The following NPHP4 variants were observed in gnomAD, a reference collection of about 807,000 sequenced individuals.
The protein encoded by NPHP4 is nephrocystin 4.
In NPHP4, 151 loss-of-function variants were observed where a neutral mutation model predicts 155.8. The ratio of observed to expected loss-of-function variants is 0.97; its 90% confidence interval spans 0.85 to 1.11. NPHP4 has a LOEUF of 1.11. NPHP4 is among the 50% of genes least tolerant of loss of function. The pLI is 0.00. For missense variants in NPHP4, 1,956 were observed against 1,925.7 expected (o/e 1.02, Z -0.29); for synonymous variants, 845 against 816.8 (o/e 1.03, Z -0.59).
At chr1:5,976,466 C>G (rs1653604016) in intron 3 of NPHP4, among the ~76,000 whole-genome samples, 1 of 152,230 alleles carries the variant, frequency 6.6e-6, no homozygotes, top group Non-Finnish European at 1.5e-5. Context: ...CTATCCCCAG[C>G]AGTTGGTCTG....
rs943621138 is a variant in NPHP4 at position 5,961,784 on chromosome 1, A to T, written c.673+10T>A. On this transcript the variant is annotated intron_variant, in intron 6 of 29. Coordinates refer to ENST00000378156, the MANE Select transcript of NPHP4 (RefSeq NM_015102.5). The stretch of plus-strand genomic sequence containing the variant: ...CCTCACCAAGTGGAGAGAATCAAAG[A>T]CGCCCTTACCGGATTCTCCATGAGC... 6.2e-7 allele frequency: 1 copy of T among 1,607,930 alleles called. No individual in the cohort carries two copies. Among genetic ancestry groups the T allele is most frequent in the Non-Finnish European group, 8.5e-7 (1 of 1,177,118 alleles).
intron 16 of NPHP4, among the ~76,000 whole-genome samples, chr1:5,901,730 G>A (rs1476530773): frequency 6.6e-6 from 1 of 152,204 alleles, no homozygotes; most frequent in Non-Finnish European, 1.5e-5. Context: ...AAAATGACTG[G>A]ATGGAATTTG....
At chr1:5,980,564 G>A (rs953966648) in intron 2 of NPHP4, among the ~76,000 whole-genome samples, 3 of 152,318 alleles carry the variant, frequency 2.0e-5, no homozygotes, top group South Asian at 2.1e-4. Flanking sequence ...GTGGGGGCGG[G>A]AGTGGAAGCA....
intron 23 of NPHP4, chr1:5,868,383 G>C (rs753456805): frequency 2.8e-5 from 7 of 249,264 alleles, no homozygotes; most frequent in Non-Finnish European, 4.8e-5. Context: ...AAAGGGGTTA[G>C]AAATAGAAAC....
intron 19 of NPHP4, among the ~76,000 whole-genome samples, chr1:5,877,831 G>A (rs115929557): frequency 0.036 from 5,520 of 152,256 alleles, 336 homozygotes; most frequent in African/African-American, 0.13. Context: ...AGGACAGCCC[G>A]CCTCCTCTGG....
intron 9 of NPHP4, among the ~76,000 whole-genome samples, chr1:5,934,507 C>T (rs1200378685): frequency 6.6e-6 from 1 of 152,112 alleles, no homozygotes; most frequent in African/African-American, 2.4e-5. Context: ...CACAGTGCTC[C>T]ACTTCCTACA....
rs553213176 is a variant in NPHP4 at position 5,914,602 on chromosome 1, A to G, written c.1442-5389T>C. Among the ~76,000 whole-genome samples, 5 of 152,350 alleles carry G rather than the reference A, an allele frequency of 3.3e-5. No individual in the cohort carries two copies. In the East Asian group the frequency reaches 9.6e-4, roughly 29 times the overall value. On this transcript the variant is annotated intron_variant, in intron 11 of 29. Transcript: ENST00000378156. Reference sequence around the variant, plus strand: ...AAAAAGTGAAAATAGAAGCAAGGGGAAAGGAAGGACATGTTTTCACCACCT... The same window carrying G: ...AAAAAGTGAAAATAGAAGCAAGGGGGAAGGAAGGACATGTTTTCACCACCT...
Position 5,867,956 on chromosome 1 carries a change from C to T in NPHP4, c.3316-60G>A. On this transcript the variant is annotated intron_variant, in intron 23 of 29. Coordinates refer to ENST00000378156, the MANE Select transcript of NPHP4 (RefSeq NM_015102.5). The surrounding 1 kb of genome is among the most constrained non-coding windows in gnomAD (Gnocchi z 4.1). ...ACGAGGCTTGTGAGCAGCTTCTTGT[C>T]CCTCCTTAGACAGCACACGTATCTC... The T allele has an allele frequency of 6.3e-7, 1 of 1,575,500 alleles. No individual in the cohort carries two copies.
At chr1:5,934,732 G>A (rs184279758) in intron 9 of NPHP4, among the ~76,000 whole-genome samples, 15 of 152,302 alleles carry the variant, frequency 9.8e-5, no homozygotes, top group African/African-American at 2.6e-4. Context: ...GAGGTGGCCC[G>A]GAAGGAGGAC....
At position 5,952,762 on chromosome 1, in the gene NPHP4, G is replaced by T; in HGVS notation, c.748C>A (p.Pro250Thr). Residue 250 changes from proline (P) to threonine (T), a missense_variant, in exon 7 of 30, where the codon CCC becomes ACC. By Grantham distance (38) the Pro-to-Thr change is conservative (BLOSUM62 -1). Transcript: ENST00000378156. ...TCTTCCTCAAACTTCTCCAGGGAGG[G>T]GTACAGGGTGAAGAATAAGTCATCC... Reference protein sequence around the residue: ...HLDDLFFTLYPSLEKFEEELL... With the variant: ...HLDDLFFTLYTSLEKFEEELL... 1 of 1,578,648 alleles carries T rather than the reference G, an allele frequency of 6.3e-7. No individual in the cohort carries two copies. The highest frequency in any genetic ancestry group is 8.6e-7 in the Non-Finnish European group (1 of 1,161,982).
In NPHP4 at chr1:5,865,311, G is replaced by A. The variant is rs1287634; in HGVS notation, c.3645-38C>T. ...GGGAGCCATCTGCACTTGTCCCGGA[G>A]GACTCAGCACCGGCCCACGAGAGGC... On this transcript the variant is annotated intron_variant, in intron 26 of 29. Coordinates refer to ENST00000378156, the MANE Select transcript of NPHP4 (RefSeq NM_015102.5). The A allele has an allele frequency of 0.4, 596,228 of 1,482,882 alleles. 122,548 individuals carry two copies. The highest frequency in any genetic ancestry group is 0.43 in the South Asian group (32,579 of 75,512). 91.9% of individuals were successfully genotyped at this position (1,482,882 alleles called of 1,614,324 possible). A position where few individuals can be genotyped will look rare whatever the true frequency, so the allele number is the denominator to read the frequency against.
chr1:5,926,953 C>T (rs1646036352), intron 11 of NPHP4, among the ~76,000 whole-genome samples: 1 of 152,226 alleles, frequency 6.6e-6, no homozygotes, highest in Non-Finnish European at 1.5e-5. Context: ...AGAGCCAAGG[C>T]CCCATACTCA....
chr1:5,962,969 G>A (rs1650636867), intron 5 of NPHP4, among the ~76,000 whole-genome samples: 1 of 152,250 alleles, frequency 6.6e-6, no homozygotes, highest in South Asian at 2.1e-4. Flanking sequence ...CCGAGGCACA[G>A]GGCATGCACG....
rs911674328 is a variant in NPHP4, at chr1:5,937,681, G to T, written c.1120-4352C>A. Among the ~76,000 whole-genome samples the T allele has an allele frequency of 3.9e-5, 6 of 152,334 alleles. No individual in the cohort carries two copies. The South Asian group carries it at 8.3e-4, about 21-fold the overall frequency. ...CTCCACTGTCTCAAGGCCTTATCCA[G>T]ATAGAGAGCTGGGCCCAGGGGAACT... On this transcript the variant is annotated intron_variant, in intron 9 of 29. Transcript: ENST00000378156.
rs553383390 is a variant in NPHP4 at position 5,952,672 on chromosome 1, GC to G, written c.810+27del. On this transcript the variant is annotated intron_variant, in intron 7 of 29. Coordinates refer to ENST00000378156, the MANE Select transcript of NPHP4 (RefSeq NM_015102.5). ...TCCCACCCCTGCCTGGCCCCACCCT[GC>G]CCCCCATCACGCTTCTGACTCCACA... 190 of 1,459,540 alleles carry G rather than the reference GC, an allele frequency of 1.3e-4. No individual in the cohort carries two copies. In the African/African-American group the frequency reaches 2.6e-3, roughly 20 times the overall value. 90.4% of individuals were successfully genotyped at this position (1,459,540 alleles called of 1,614,324 possible). A position where few individuals can be genotyped will look rare whatever the true frequency, so the allele number is the denominator to read the frequency against.
intron 8 of NPHP4, 105 bp from the exon 9 acceptor site, chr1:5,947,335 C>T (rs538472705): frequency 2.5e-6 from 3 of 1,217,408 alleles, no homozygotes; most frequent in African/African-American, 3.0e-5. Flanking sequence ...CCCTGGGGGA[C>T]ACAGGGGTGC....
At chr1:5,965,375 C>T in intron 5 of NPHP4, among the ~76,000 whole-genome samples, 1 of 152,184 alleles carries the variant, frequency 6.6e-6, no homozygotes, top group Admixed American at 6.5e-5. Flanking sequence ...ACAGCTTCCA[C>T]ACAGACGCAT....
At chr1:5,974,997 T>G (rs1275298755) in intron 3 of NPHP4, among the ~76,000 whole-genome samples, 3 of 152,162 alleles carry the variant, frequency 2.0e-5, no homozygotes, top group Admixed American at 1.3e-4. Flanking sequence ...CAGAGAAAGA[T>G]CTCTGCCAAG....
At chr1:5,947,934 A>C in intron 8 of NPHP4, 136 bp downstream of exon 8, 1 of 696,322 alleles carries the variant, frequency 1.4e-6, no homozygotes, top group Non-Finnish European at 2.5e-6. Context: ...CCTAATGGGC[A>C]CAACTTCCAA....
Sources: gnomAD v4.1 joint callset for allele counts (sites outside exome capture counted in the v4.1 genomes callset) on GRCh38, gnomAD v4.1.1 for gene constraint, Gnocchi (gnomAD v3.1) non-coding constraint, MANE v1.5 for transcripts, NCBI Gene and HGNC (gene_info 2026-07-23, HGNC 2026-07-21) for gene names.